Variants in SAMSN1 observed in about 807,000 individuals in gnomAD.
The protein encoded by SAMSN1 is SAM domain-containing protein SAMSN-1.
Under a neutral mutation model 42.0 loss-of-function variants are expected in SAMSN1, and 31 were observed. The observed-to-expected ratio is 0.74, with a 90% confidence interval of 0.55 to 1.00. The LOEUF (loss-of-function observed/expected upper bound fraction) is 1.00. Among genes scored for constraint, SAMSN1 ranks in the 50% least tolerant of loss-of-function variants. The probability of loss-of-function intolerance (pLI) is 0.00; values close to 1 mark genes in which losing one functional copy is unlikely to be tolerated. For missense variants in SAMSN1, 464 were observed against 439.4 expected, an observed-to-expected ratio of 1.06 and a Z score of -0.50; for synonymous variants, 178 against 151.9, an observed-to-expected ratio of 1.17 and a Z score of -1.26.
intron 5 of SAMSN1, among the ~76,000 whole-genome samples, chr21:14,501,151 T>C (rs1016862421): frequency 6.6e-6 from 1 of 152,120 alleles, no homozygotes; most frequent in Non-Finnish European, 1.5e-5. Flanking sequence ...TTAAAAAAAA[T>C]TCAAAGAAGT....
At chr21:14,498,099 C>A (rs369587205) in intron 7 of SAMSN1, among the ~76,000 whole-genome samples, 2 of 152,194 alleles carry the variant, frequency 1.3e-5, no homozygotes, top group Admixed American at 6.5e-5. Context: ...TGTGACATTT[C>A]GCACTAATGG....
At chr21:14,500,845 A>G (rs949351359) in intron 5 of SAMSN1, 110 bp from the exon 6 acceptor site, 2 of 830,328 alleles carry the variant, frequency 2.4e-6, no homozygotes, top group Admixed American at 4.6e-5. Context: ...AGGGGTTCAG[A>G]TATAACAGAA....
At chr21:14,520,813 G>C (rs2822719) in intron 2 of SAMSN1, among the ~76,000 whole-genome samples, 32,313 of 151,970 alleles carry the variant, frequency 0.21, 4,597 homozygotes, top group Admixed American at 0.43. Context: ...TTATGTGGTA[G>C]CCTGGGATTC....
At chr21:14,605,416 C>A (rs1982539860) in intron 5 of SAMSN1, among the ~76,000 whole-genome samples, 1 of 152,156 alleles carries the variant, frequency 6.6e-6, no homozygotes, top group South Asian at 2.1e-4. Flanking sequence ...TCTGGTATTC[C>A]TCATGTAGTC....
At chr21:14,632,033 T>C (rs1983343702) in intron 2 of SAMSN1, among the ~76,000 whole-genome samples, 1 of 152,146 alleles carries the variant, frequency 6.6e-6, no homozygotes, top group African/African-American at 2.4e-5. Flanking sequence ...TTAGGTCACA[T>C]CTATCACAGA....
At chr21:14,609,117 T>C (rs989983256) in intron 5 of SAMSN1, among the ~76,000 whole-genome samples, 7 of 152,096 alleles carry the variant, frequency 4.6e-5, no homozygotes, top group African/African-American at 1.7e-4. Flanking sequence ...ACTATTAACA[T>C]ATCAATGTTA....
At chr21:14,630,986 C>T (rs533099399) in intron 2 of SAMSN1, among the ~76,000 whole-genome samples, 8 of 152,298 alleles carry the variant, frequency 5.3e-5, no homozygotes, top group African/African-American at 1.7e-4. Flanking sequence ...CATTACTCAC[C>T]TATTCTAAGA....
chr21:14,502,217 C>T (rs1987193367), intron 5 of SAMSN1, among the ~76,000 whole-genome samples: 3 of 151,700 alleles, frequency 2.0e-5, no homozygotes. Flanking sequence ...ACTGGTCTAT[C>T]TTGTGATCAT....
chr21:14,629,163 C>A (rs1246596810), intron 2 of SAMSN1, among the ~76,000 whole-genome samples: 3 of 152,132 alleles, frequency 2.0e-5, no homozygotes, highest in Non-Finnish European at 2.9e-5. Flanking sequence ...AAATGTAATA[C>A]CACATGTCAC....
At chr21:14,569,315 T>G (rs1372325006) in intron 2 of SAMSN1, among the ~76,000 whole-genome samples, 1 of 151,990 alleles carries the variant, frequency 6.6e-6, no homozygotes, top group Non-Finnish European at 1.5e-5. Context: ...CAAAATGCAT[T>G]TAAAAGTTAC....
intron 6 of SAMSN1, among the ~76,000 whole-genome samples, chr21:14,599,474 C>G (rs760874305): frequency 4.6e-5 from 7 of 152,174 alleles, no homozygotes; most frequent in Non-Finnish European, 7.3e-5. Context: ...TCAATTAAAC[C>G]TCTTTCCTTT....
chr21:14,508,754 C>A (rs923258798), intron 5 of SAMSN1, among the ~76,000 whole-genome samples: 1 of 152,184 alleles, frequency 6.6e-6, no homozygotes, highest in Non-Finnish European at 1.5e-5. Flanking sequence ...GATACTTGCA[C>A]ACACGTTTGT....
chr21:14,618,663 TG>T (rs1982908385), intron 2 of SAMSN1, among the ~76,000 whole-genome samples: 1 of 35,524 alleles, frequency 2.8e-5, no homozygotes, highest in African/African-American at 1.2e-4. Flanking sequence ...TGTATGTGTG[TG>T]TGTGTGTGTG....
intron 3 of SAMSN1, among the ~76,000 whole-genome samples, chr21:14,513,614 C>T (rs1987783822): frequency 6.6e-6 from 1 of 152,018 alleles, no homozygotes; most frequent in African/African-American, 2.4e-5. Flanking sequence ...AGAAATAAAA[C>T]TGGGTGATGT....
At chr21:14,507,321 AC>A (rs1987461462) in intron 5 of SAMSN1, among the ~76,000 whole-genome samples, 1 of 152,222 alleles carries the variant, frequency 6.6e-6, no homozygotes, top group African/African-American at 2.4e-5. Flanking sequence ...AGCTCCTAGA[AC>A]TGATAAAAGA....
At position 14,498,494 on chromosome 21, in the gene SAMSN1, T is replaced by C; in HGVS notation, c.867A>G (p.Pro289=). The change falls in exon 7 of 8, where the codon CCA becomes CCG. Residue 289 remains proline, a synonymous_variant. Coordinates refer to ENST00000400566, the MANE Select transcript of SAMSN1 (RefSeq NM_022136.5). ...SHLIELNIEN[P]DDRRRLLSAA... ...CTGATAGTAACCTTCTTCTGTCATC[T>C]GGGTTTTCAATATTTAATTCAATGA... 2 of 1,611,876 alleles carry C rather than the reference T, an allele frequency of 1.2e-6. No homozygotes were observed. Among genetic ancestry groups the C allele is most frequent in the Non-Finnish European group, 1.7e-6 (2 of 1,179,298 alleles).
At chr21:14,569,825 T>G (rs1053914626) in intron 2 of SAMSN1, among the ~76,000 whole-genome samples, 4 of 152,158 alleles carry the variant, frequency 2.6e-5, no homozygotes, top group Admixed American at 6.5e-5. Flanking sequence ...GAGAGAGCAG[T>G]AGGAGCTCTC....
intron 2 of SAMSN1, among the ~76,000 whole-genome samples, chr21:14,555,500 T>C (rs2223091): frequency 0.28 from 41,872 of 152,068 alleles, 6,051 homozygotes; most frequent in African/African-American, 0.37. Flanking sequence ...TTCCTGTCAA[T>C]ACCACCCCTA....
intron 1 of SAMSN1, among the ~76,000 whole-genome samples, chr21:14,646,207 T>G (rs527591866): frequency 6.6e-6 from 1 of 152,178 alleles, no homozygotes; most frequent in East Asian, 1.9e-4. Context: ...GAAGACTACC[T>G]CAAGGTATTT....
Sources: gnomAD v4.1 joint callset for allele counts (sites outside exome capture counted in the v4.1 genomes callset) on GRCh38, gnomAD v4.1.1 for gene constraint, MANE v1.5 for transcripts, NCBI Gene and HGNC (gene_info 2026-07-23, HGNC 2026-07-21) for gene names.